Variants in FAF1 observed in about 807,000 individuals in gnomAD.
FAF1 encodes FAS-associated factor 1.
In FAF1, 25 loss-of-function variants were observed where a neutral mutation model predicts 92.5. The observed-to-expected ratio is 0.27, with a 90% CI of 0.20 to 0.38. FAF1 has a LOEUF of 0.38. FAF1 is among the 10% of genes least tolerant of loss of function. FAF1 has a pLI of 1.00. For missense variants in FAF1, 636 were observed against 793.3 expected (o/e 0.80, Z 2.38); for synonymous variants, 234 against 273.2 (o/e 0.86, Z 1.42).
At chr1:50,928,191 T>C (rs1439497525) in intron 1 of FAF1, among the ~76,000 whole-genome samples, 1 of 152,148 alleles carries the variant, frequency 6.6e-6, no homozygotes, top group African/African-American at 2.4e-5. Flanking sequence ...CTCTCTGTCT[T>C]TGGCACACAG....
chr1:50,505,452 A>G (rs567043641), intron 15 of FAF1, among the ~76,000 whole-genome samples: 1 of 152,312 alleles, frequency 6.6e-6, no homozygotes, highest in East Asian at 1.9e-4. Flanking sequence ...GAGTGTAACA[A>G]AGAGATGATA....
chr1:50,609,560 A>G (rs1420395213), intron 8 of FAF1, among the ~76,000 whole-genome samples: 1 of 152,102 alleles, frequency 6.6e-6, no homozygotes, highest in African/African-American at 2.4e-5. Context: ...AACTTTTTTT[A>G]AATTTTTAGT....
At chr1:50,585,965 A>C (rs1418187941) in intron 9 of FAF1, among the ~76,000 whole-genome samples, 1 of 151,220 alleles carries the variant, frequency 6.6e-6, no homozygotes, top group Non-Finnish European at 1.5e-5. Flanking sequence ...AGGCAGGAGG[A>C]TCACTTGAGC....
chr1:50,953,808 A>G (rs1337224570), intron 1 of FAF1, among the ~76,000 whole-genome samples: 2 of 152,228 alleles, frequency 1.3e-5, no homozygotes, highest in Non-Finnish European at 2.9e-5. Context: ...TACTAGCTGA[A>G]AAGACTAGGG....
intron 1 of FAF1, among the ~76,000 whole-genome samples, chr1:50,876,982 TAATA>T (rs879745979): frequency 1.8e-4 from 27 of 152,354 alleles, no homozygotes; most frequent in East Asian, 1.9e-4. Flanking sequence ...ATAAATGATT[TAATA>T]AATAAATAAA....
At chr1:50,557,359 ACTAT>A (rs1194303991) in intron 13 of FAF1, among the ~76,000 whole-genome samples, 1 of 152,176 alleles carries the variant, frequency 6.6e-6, no homozygotes, top group East Asian at 1.9e-4. Flanking sequence ...ATAATACAAA[ACTAT>A]CTGTCACTCC....
chr1:50,909,778 A>T (rs1644869584), intron 1 of FAF1, among the ~76,000 whole-genome samples: 1 of 152,178 alleles, frequency 6.6e-6, no homozygotes, highest in Non-Finnish European at 1.5e-5. Context: ...CCATTCGTCT[A>T]ATCTTTTTTC....
At chr1:50,744,303 A>T (rs1659505549) in intron 5 of FAF1, among the ~76,000 whole-genome samples, 1 of 152,210 alleles carries the variant, frequency 6.6e-6, no homozygotes, top group South Asian at 2.1e-4. Flanking sequence ...ATAAATGTAT[A>T]CGCTGCATGT....
chr1:50,652,746 T>C (rs965912654), intron 8 of FAF1, among the ~76,000 whole-genome samples: 5 of 152,260 alleles, frequency 3.3e-5, no homozygotes, highest in African/African-American at 7.2e-5. Flanking sequence ...ACATAGGTTA[T>C]TCTGAAGCAA....
At chr1:50,654,477 T>C (rs192314856) in intron 8 of FAF1, among the ~76,000 whole-genome samples, 114 of 152,186 alleles carry the variant, frequency 7.5e-4, no homozygotes, top group African/African-American at 2.7e-3. Flanking sequence ...TTTACTCTCA[T>C]AGAAAACAGC....
chr1:50,490,454 AGGAAGG>A (rs1646821932), intron 17 of FAF1, 128 bp downstream of exon 17: 6 of 323,084 alleles, frequency 1.9e-5, no homozygotes, highest in African/African-American at 6.9e-5. Flanking sequence ...GAAGGAAGGA[AGGAAGG>A]AAAAAGAAAG....
chr1:50,464,370 A>G (rs1021365907), intron 18 of FAF1, among the ~76,000 whole-genome samples: 1 of 152,138 alleles, frequency 6.6e-6, no homozygotes, highest in Admixed American at 6.6e-5. Context: ...CAGGTGAAAG[A>G]ACCAGTTTAG....
intron 6 of FAF1, among the ~76,000 whole-genome samples, chr1:50,734,614 T>G (rs908944495): frequency 1.1e-4 from 17 of 151,732 alleles, no homozygotes; most frequent in Non-Finnish European, 1.2e-4. Flanking sequence ...GGCGCCTGTA[T>G]TCCCAGCTAC....
chr1:50,714,323 T>G (rs1658080983), intron 6 of FAF1, among the ~76,000 whole-genome samples: 1 of 148,008 alleles, frequency 6.8e-6, no homozygotes, highest in African/African-American at 2.5e-5. Flanking sequence ...GCCAACATAG[T>G]GAAATCGTGT....
At chr1:50,513,931 T>C (rs965484755) in intron 15 of FAF1, among the ~76,000 whole-genome samples, 11 of 152,232 alleles carry the variant, frequency 7.2e-5, no homozygotes, top group Admixed American at 3.3e-4. Context: ...TACTTGCTTA[T>C]TGTATTTCTC....
chr1:50,606,124 G>T (rs1250283952), intron 8 of FAF1, among the ~76,000 whole-genome samples: 1 of 152,130 alleles, frequency 6.6e-6, no homozygotes, highest in African/African-American at 2.4e-5. Context: ...CCTCATCTTT[G>T]TGTCCTTGCC....
chr1:50,661,691 T>C (rs554654760), intron 7 of FAF1, among the ~76,000 whole-genome samples: 1 of 152,284 alleles, frequency 6.6e-6, no homozygotes, highest in Admixed American at 6.5e-5. Flanking sequence ...TAAGTATTTG[T>C]ATGTGTGTGT....
At chr1:50,816,597 A>G (rs1327983815) in intron 2 of FAF1, among the ~76,000 whole-genome samples, 1 of 151,934 alleles carries the variant, frequency 6.6e-6, no homozygotes, top group African/African-American at 2.4e-5. Flanking sequence ...TGTCAGGTGC[A>G]TATGTTGCGA....
Position 50,642,713 on chromosome 1 carries a change from C to T in FAF1, c.744+12729G>A, listed in dbSNP as rs538488116. 2.4e-4 allele frequency among the ~76,000 whole-genome samples: 35 copies of T among 147,632 alleles called. No individual in the cohort carries two copies. The Middle Eastern group carries it at 0.01, about 44-fold the overall frequency. On this transcript the variant is annotated intron_variant, in intron 8 of 18. Coordinates refer to ENST00000396153, the MANE Select transcript of FAF1 (RefSeq NM_007051.3). ...CAGTTGAATCTTGTTTTTTAAAGTT[C>T]ATTTTTAATAATCTTTTCCTTTTAA...
Sources: gnomAD v4.1 joint callset for allele counts (sites outside exome capture counted in the v4.1 genomes callset) on GRCh38, gnomAD v4.1.1 for gene constraint, MANE v1.5 for transcripts, NCBI Gene and HGNC (gene_info 2026-07-23, HGNC 2026-07-21) for gene names.